The following NDST4 variants were observed in gnomAD, a reference collection of about 807,000 sequenced individuals.
NDST4 encodes the protein N-heparan sulfate sulfotransferase 4.
Under a neutral mutation model 100.8 loss-of-function variants are expected in NDST4, and 63 were observed. The observed-to-expected ratio is 0.62, with a 90% CI of 0.51 to 0.77. The LOEUF is 0.77. Ranked by LOEUF, NDST4 falls within the 30% of genes least tolerant of loss-of-function variation. NDST4 has a pLI of 0.00. For missense variants in NDST4, 943 were observed against 1,018.4 expected (o/e 0.93, Z 1.01); for synonymous variants, 377 against 361.8 (o/e 1.04, Z -0.48).
In NDST4 at chr4:114,986,832, A is replaced by ATATATATATATATATATATATATT; in HGVS notation, c.979-9559_979-9558insAATATATATATATATATATATATA. ...TATATATATATATATATATATATATATTTTAATATACTATTCCTATAAGCT... is the reference window on the plus strand; with the variant it reads ...TATATATATATATATATATATATATATATATATATATATATATATATATTTTTTAATATACTATTCCTATAAGCT... On this transcript the variant is annotated intron_variant, in intron 2 of 13. Coordinates refer to ENST00000264363, the MANE Select transcript of NDST4 (RefSeq NM_022569.3). 5.9e-4 allele frequency among the ~76,000 whole-genome samples: 56 copies of ATATATATATATATATATATATATT among 94,618 alleles called. 3 individuals are homozygous for ATATATATATATATATATATATATT. The highest frequency in any genetic ancestry group is 2.5e-3 in the East Asian group (7 of 2,772). 62.1% of individuals were successfully genotyped at this position (94,618 alleles called of 152,430 possible).
At chr4:115,041,100 C>T (rs1216911177) in intron 2 of NDST4, among the ~76,000 whole-genome samples, 1 of 152,042 alleles carries the variant, frequency 6.6e-6, no homozygotes. Context: ...CACTATTTCA[C>T]AACCCCTAAT....
chr4:115,074,567 A>C (rs1310084325), intron 2 of NDST4, among the ~76,000 whole-genome samples: 1 of 152,114 alleles, frequency 6.6e-6, no homozygotes, highest in Non-Finnish European at 1.5e-5. Context: ...CGGTCACTTT[A>C]TCTCTTCTTA....
At chr4:115,027,552 T>C (rs912669516) in intron 2 of NDST4, among the ~76,000 whole-genome samples, 1 of 152,124 alleles carries the variant, frequency 6.6e-6, no homozygotes, top group African/African-American at 2.4e-5. Context: ...CAAACTGGTC[T>C]CTTGATCATT....
intron 6 of NDST4, among the ~76,000 whole-genome samples, chr4:114,911,305 C>T (rs977782546): frequency 2.2e-4 from 33 of 152,130 alleles, no homozygotes; most frequent in African/African-American, 8.0e-4. Flanking sequence ...CAATTCTACC[C>T]CAGAGCTTAT....
intron 4 of NDST4, among the ~76,000 whole-genome samples, chr4:114,955,295 G>A (rs566514266): frequency 5.9e-4 from 90 of 152,158 alleles, no homozygotes; most frequent in South Asian, 1.2e-3. Context: ...GCAACAGTGC[G>A]GATTGACTGT....
intron 1 of NDST4, among the ~76,000 whole-genome samples, chr4:115,087,862 T>C (rs983448995): frequency 1.3e-5 from 2 of 151,896 alleles, no homozygotes; most frequent in African/African-American, 4.8e-5. Context: ...TTATGTATAT[T>C]TTATACTTGA....
At chr4:115,107,409 A>T (rs1387249813) in intron 1 of NDST4, among the ~76,000 whole-genome samples, 1 of 152,108 alleles carries the variant, frequency 6.6e-6, no homozygotes, top group Non-Finnish European at 1.5e-5. Flanking sequence ...CCTGAGGAGG[A>T]TAATCAATAG....
chr4:115,045,799 T>C (rs868240939), intron 2 of NDST4, among the ~76,000 whole-genome samples: 2 of 152,240 alleles, frequency 1.3e-5, no homozygotes, highest in South Asian at 2.1e-4. Context: ...ATAGGTCTTA[T>C]CAAGTAGAAG....
intron 6 of NDST4, among the ~76,000 whole-genome samples, chr4:114,874,009 C>A (rs1560789413): frequency 6.6e-6 from 1 of 152,046 alleles, no homozygotes; most frequent in African/African-American, 2.4e-5. Flanking sequence ...AGTGCATTCA[C>A]ATTGTTGTAT....
intron 4 of NDST4, among the ~76,000 whole-genome samples, chr4:114,959,547 A>T (rs1227026270): frequency 6.6e-6 from 1 of 152,064 alleles, no homozygotes; most frequent in African/African-American, 2.4e-5. Context: ...CATAAGAAAA[A>T]CTTGTCCCCA....
intron 2 of NDST4, among the ~76,000 whole-genome samples, chr4:114,986,817 TATATATATATATA>T (rs1560845374): frequency 3.2e-5 from 4 of 124,878 alleles, no homozygotes; most frequent in Non-Finnish European, 4.9e-5. Flanking sequence ...TATATATATA[TATATATATATATA>T]TATTTTAATA....
chr4:115,010,875 C>CTAA (rs1035115551), intron 2 of NDST4, among the ~76,000 whole-genome samples: 10 of 151,910 alleles, frequency 6.6e-5, no homozygotes, highest in African/African-American at 2.4e-4. Flanking sequence ...TGGTCACTTA[C>CTAA]TAATAAAAAG....
intron 12 of NDST4, among the ~76,000 whole-genome samples, chr4:114,831,876 T>C (rs1161173796): frequency 6.6e-6 from 1 of 152,214 alleles, no homozygotes; most frequent in Non-Finnish European, 1.5e-5. Context: ...TTAGTAGGCA[T>C]GAAATTGTGA....
chr4:114,991,623 T>C (rs1727042802), intron 2 of NDST4, among the ~76,000 whole-genome samples: 2 of 152,010 alleles, frequency 1.3e-5, no homozygotes, highest in South Asian at 4.1e-4. Flanking sequence ...TGCATACCTC[T>C]AGCCACAAGA....
chr4:114,860,544 C>A (rs1458232565), intron 7 of NDST4, among the ~76,000 whole-genome samples: 2 of 152,104 alleles, frequency 1.3e-5, no homozygotes, highest in African/African-American at 2.4e-5. Context: ...AACTTACCAC[C>A]AGCTGTAAAA....
chr4:115,022,242 T>C (rs1727851530), intron 2 of NDST4, among the ~76,000 whole-genome samples: 1 of 151,506 alleles, frequency 6.6e-6, no homozygotes, highest in African/African-American at 2.4e-5. Flanking sequence ...ACGTTCCACG[T>C]CTATGCACGT....
intron 2 of NDST4, among the ~76,000 whole-genome samples, chr4:115,011,998 G>A (rs1727557688): frequency 6.6e-6 from 1 of 151,924 alleles, no homozygotes; most frequent in African/African-American, 2.4e-5. Flanking sequence ...ATGTGTATGT[G>A]TGTGTGTACG....
chr4:114,929,109 C>T (rs111907201), intron 6 of NDST4, among the ~76,000 whole-genome samples: 25,397 of 111,826 alleles, frequency 0.23, 3,535 homozygotes, highest in African/African-American at 0.4. Flanking sequence ...TCCATCCATC[C>T]ATCCATCTAT....
At chr4:114,861,128 T>A (rs757025117) in intron 7 of NDST4, among the ~76,000 whole-genome samples, 15 of 152,236 alleles carry the variant, frequency 9.9e-5, no homozygotes, top group Non-Finnish European at 1.6e-4. Context: ...TTTCTCCATG[T>A]GATGCTCATA....
Sources: allele counts gnomAD v4.1 joint callset (sites outside exome capture counted in the v4.1 genomes callset), GRCh38; gene constraint gnomAD v4.1.1; transcripts MANE v1.5; gene names NCBI Gene and HGNC (gene_info 2026-07-23, HGNC 2026-07-21).